NAALADL2: variants seen among roughly 807,000 people sequenced by gnomAD.
The protein encoded by NAALADL2 is inactive N-acetylated-alpha-linked acidic dipeptidase-like protein 2.
NAALADL2 carries 76 observed loss-of-function variants against 87.2 expected under a neutral mutation model. That is an observed-to-expected ratio of 0.87 (90% confidence interval 0.72 to 1.05). The LOEUF is 1.05. NAALADL2 is among the 50% of genes least tolerant of loss of function. The pLI, the probability that NAALADL2 is intolerant of heterozygous loss-of-function variation, is 0.00. For synonymous variants in NAALADL2, 354 were observed against 331.0 expected (o/e 1.07, Z -0.75); for missense variants, 1,089 against 945.8 (o/e 1.15, Z -1.99).
exon 3 of NAALADL2, chr3:174,737,741 ATTG>A (rs1255903017): frequency 6.6e-6 from 1 of 152,212 alleles, no homozygotes; most frequent in African/African-American, 2.4e-5. Context: ...GGAACATTCA[ATTG>A]AAGTAAGACC....
intron 2 of NAALADL2, among the ~76,000 whole-genome samples, chr3:175,163,353 C>G (rs923019780): frequency 2.6e-5 from 4 of 151,880 alleles, no homozygotes; most frequent in African/African-American, 9.7e-5. Context: ...ATGAATGGAA[C>G]ATGATTATGA....
At chr3:174,879,159 G>A (rs1050181927) in intron 1 of NAALADL2, among the ~76,000 whole-genome samples, 1 of 151,988 alleles carries the variant, frequency 6.6e-6, no homozygotes, top group African/African-American at 2.4e-5. Context: ...AATATCTGTC[G>A]TTATATATTT....
At chr3:174,707,498 G>C (rs1273949797) in intron 2 of NAALADL2, among the ~76,000 whole-genome samples, 2 of 152,026 alleles carry the variant, frequency 1.3e-5, no homozygotes, top group Admixed American at 6.6e-5. Flanking sequence ...CCTTTGTAGC[G>C]ACATGGATGA....
chr3:175,082,856 A>G lies in NAALADL2; in HGVS notation c.44-13934A>G, dbSNP rs543156352. On this transcript the variant is annotated intron_variant, in intron 1 of 13. Transcript: ENST00000454872. ...ATAAATACTATCAGCAGATGGACTG[A>G]GGCACTTCAGTCTCTACACAGTCAG... is the stretch of plus-strand genomic sequence containing the variant. Among the ~76,000 whole-genome samples the G allele has an allele frequency of 9.2e-5, 14 of 152,300 alleles. No homozygotes were observed. In the South Asian group the frequency reaches 2.7e-3, roughly 29 times the overall value.
At chr3:174,715,890 A>G (rs1731139013) in intron 2 of NAALADL2, among the ~76,000 whole-genome samples, 1 of 152,050 alleles carries the variant, frequency 6.6e-6, no homozygotes, top group South Asian at 2.1e-4. Context: ...GATTATCTGC[A>G]ATTTTTCTAA....
Position 175,321,913 on chromosome 3 carries a change from C to G in NAALADL2, c.940-2262C>G, listed in dbSNP as rs1309363017. ...ATATCGTGAAAATGGCCATACTGCCCAAGGTAATTTACAGATTCAATGCCA... is the reference window on the plus strand; with the variant it reads ...ATATCGTGAAAATGGCCATACTGCCGAAGGTAATTTACAGATTCAATGCCA... On this transcript the variant is annotated intron_variant, in intron 4 of 13. Coordinates refer to ENST00000454872, the MANE Select transcript of NAALADL2 (RefSeq NM_207015.3). Among the ~76,000 whole-genome samples the G allele has an allele frequency of 1.7e-3, 249 of 145,882 alleles. 2 individuals carry two copies. Among genetic ancestry groups the G allele is most frequent in the African/African-American group, 6.0e-3 (237 of 39,204 alleles).
At chr3:175,080,011 G>C (rs1354098933) in intron 1 of NAALADL2, among the ~76,000 whole-genome samples, 1 of 150,830 alleles carries the variant, frequency 6.6e-6, no homozygotes, top group Non-Finnish European at 1.5e-5. Flanking sequence ...TGTCACCCAG[G>C]CTAGAGTGCA....
At chr3:174,480,539 T>A (rs1385822472) in intron 1 of NAALADL2, among the ~76,000 whole-genome samples, 1 of 152,094 alleles carries the variant, frequency 6.6e-6, no homozygotes, top group Non-Finnish European at 1.5e-5. Flanking sequence ...TATGTACATC[T>A]CCAAAATATA....
rs192946289 is a variant in NAALADL2 at position 175,230,428 on chromosome 3, A to T, written c.546-3503A>T. 1.7e-3 allele frequency among the ~76,000 whole-genome samples: 254 copies of T among 152,202 alleles called. 1 individual carries two copies. The highest frequency in any genetic ancestry group is 5.8e-3 in the African/African-American group (242 of 41,570). Reference sequence around the variant, plus strand: ...ATATGACCTAAAAAAGATTATTCAGAACATACAAAAACTTCTATAAATATA... The same window carrying T: ...ATATGACCTAAAAAAGATTATTCAGTACATACAAAAACTTCTATAAATATA... On this transcript the variant is annotated intron_variant, in intron 2 of 13. Coordinates refer to ENST00000454872, the MANE Select transcript of NAALADL2 (RefSeq NM_207015.3).
At chr3:174,743,266 C>A (rs9827039) in intron 3 of NAALADL2, among the ~76,000 whole-genome samples, 38,688 of 151,542 alleles carry the variant, frequency 0.26, 5,353 homozygotes, top group African/African-American at 0.36. Flanking sequence ...TTTTGTTTCT[C>A]TGAATTTATC....
chr3:175,198,425 T>C (rs1739328737), intron 2 of NAALADL2, among the ~76,000 whole-genome samples: 1 of 152,124 alleles, frequency 6.6e-6, no homozygotes, highest in South Asian at 2.1e-4. Context: ...TGTGTAATCA[T>C]TAGTTCCCAA....
chr3:175,281,123 T>A (rs1009084792), intron 4 of NAALADL2, among the ~76,000 whole-genome samples: 34 of 150,588 alleles, frequency 2.3e-4, no homozygotes, highest in East Asian at 3.9e-4. Context: ...AAAAAAAATA[T>A]ATATATATAT....
intron 2 of NAALADL2, among the ~76,000 whole-genome samples, chr3:174,642,789 T>TATATATATATA (rs1251017876): frequency 8.6e-6 from 1 of 116,510 alleles, no homozygotes; most frequent in African/African-American, 4.3e-5. Context: ...TATATATATA[T>TATATATATATA]GTTTTTTTTC....
At chr3:174,929,335 A>T (rs1414748859) in intron 1 of NAALADL2, among the ~76,000 whole-genome samples, 2 of 152,192 alleles carry the variant, frequency 1.3e-5, no homozygotes, top group Non-Finnish European at 2.9e-5. Context: ...AATGATTCTC[A>T]CTGCTGTATC....
At chr3:175,408,430 A>T (rs745394351) in intron 5 of NAALADL2, among the ~76,000 whole-genome samples, 1 of 152,080 alleles carries the variant, frequency 6.6e-6, no homozygotes, top group Non-Finnish European at 1.5e-5. Flanking sequence ...GAAATTTAAA[A>T]ATTTAAACAT....
At chr3:175,795,801 C>CTAA (rs1753403843) in intron 13 of NAALADL2, among the ~76,000 whole-genome samples, 1 of 152,016 alleles carries the variant, frequency 6.6e-6, no homozygotes, top group South Asian at 2.1e-4. Flanking sequence ...ACCTCAAAAT[C>CTAA]TAATGGCTTA....
At chr3:175,027,179 A>G (rs1248688962) in intron 1 of NAALADL2, among the ~76,000 whole-genome samples, 1 of 152,116 alleles carries the variant, frequency 6.6e-6, no homozygotes, top group African/African-American at 2.4e-5. Context: ...CATAACCTTC[A>G]TTTGTTCATT....
At chr3:174,508,572 A>C (rs933000222) in intron 1 of NAALADL2, among the ~76,000 whole-genome samples, 1 of 152,220 alleles carries the variant, frequency 6.6e-6, no homozygotes, top group African/African-American at 2.4e-5. Flanking sequence ...GAGAATTGAC[A>C]TTGTAACAAT....
chr3:174,573,350 C>T (rs1189836720), intron 2 of NAALADL2, among the ~76,000 whole-genome samples: 2 of 152,090 alleles, frequency 1.3e-5, no homozygotes, highest in Admixed American at 6.6e-5. Flanking sequence ...TCACTGCAGC[C>T]TTGACATCCT....
Sources: gnomAD v4.1 joint callset for allele counts (sites outside exome capture counted in the v4.1 genomes callset) on GRCh38, gnomAD v4.1.1 for gene constraint, MANE v1.5 for transcripts, NCBI Gene and HGNC (gene_info 2026-07-23, HGNC 2026-07-21) for gene names.